NTNG1: variants seen among roughly 807,000 people sequenced by gnomAD.
The protein encoded by NTNG1 is netrin G1.
Under a neutral mutation model 54.0 loss-of-function variants are expected in NTNG1, and 16 were observed. The observed-to-expected ratio is 0.30, with a 90% confidence interval of 0.20 to 0.45. The LOEUF (loss-of-function observed/expected upper bound fraction) is 0.45, where lower values mean the gene tolerates loss of function less well. NTNG1 is among the 20% of genes least tolerant of loss of function. The pLI is 1.00. For missense variants in NTNG1, 530 were observed against 678.7 expected, an observed-to-expected ratio of 0.78 and a Z score of 2.43; for synonymous variants, 255 against 263.1, an observed-to-expected ratio of 0.97 and a Z score of 0.30.
At chr1:107,460,568 GA>G (rs1235061511) in intron 7 of NTNG1, among the ~76,000 whole-genome samples, 1 of 152,156 alleles carries the variant, frequency 6.6e-6, no homozygotes, top group Non-Finnish European at 1.5e-5. Flanking sequence ...CACTGCTGGG[GA>G]AAAAGGCAGC....
In NTNG1 at chr1:107,324,806, T is replaced by C. The variant is rs1667853522; in HGVS notation, c.771T>C (p.Phe257=). 1 of 1,613,542 alleles carries C rather than the reference T, an allele frequency of 6.2e-7. No individual in the cohort carries two copies. Among genetic ancestry groups the C allele is most frequent in the Non-Finnish European group, 8.5e-7 (1 of 1,179,776 alleles). The part of the protein sequence containing the change: ...LDTTKKLRDF[F]TVTDLRIRLL... The stretch of plus-strand genomic sequence containing the variant: ...CAACCAAGAAACTCAGAGATTTCTT[T>C]ACAGTCACAGACCTGAGGATAAGGC... Residue 257 remains phenylalanine (F), a synonymous_variant, in exon 3 of 8, where the codon TTT becomes TTC. Transcript: ENST00000370068.
chr1:107,347,319 G>A (rs1669307491), intron 3 of NTNG1, among the ~76,000 whole-genome samples: 1 of 152,064 alleles, frequency 6.6e-6, no homozygotes, highest in Non-Finnish European at 1.5e-5. Context: ...TTCAAGATCA[G>A]ATAGGCAATA....
intron 7 of NTNG1, among the ~76,000 whole-genome samples, chr1:107,459,155 T>C (rs1677126360): frequency 1.3e-5 from 2 of 152,326 alleles, no homozygotes; most frequent in Admixed American, 6.5e-5. Context: ...GTTAAATTAG[T>C]TCATTGCTTT....
chr1:107,395,420 C>A, intron 4 of NTNG1, 94 bp downstream of exon 4: 1 of 1,142,784 alleles, frequency 8.8e-7, no homozygotes, highest in Non-Finnish European at 1.3e-6. Flanking sequence ...ATTCCTCTTA[C>A]CAGTTGTCTC....
chr1:107,351,384 G>A (rs1490217400), intron 3 of NTNG1, among the ~76,000 whole-genome samples: 1 of 152,226 alleles, frequency 6.6e-6, no homozygotes, highest in Admixed American at 6.5e-5. Flanking sequence ...AAGCATGGCA[G>A]CAGCTGCTTC....
chr1:107,464,413 C>T (rs1677470773), intron 7 of NTNG1, among the ~76,000 whole-genome samples: 2 of 152,178 alleles, frequency 1.3e-5, no homozygotes, highest in Admixed American at 1.3e-4. Context: ...CTAGTTGGGG[C>T]CCCAGGTGTA....
chr1:107,257,580 T>G (rs1663011151), intron 2 of NTNG1, among the ~76,000 whole-genome samples: 1 of 152,192 alleles, frequency 6.6e-6, no homozygotes, highest in East Asian at 1.9e-4. Context: ...GCGGCTCCAG[T>G]CACCTGATTT....
At position 107,403,124 on chromosome 1, in the gene NTNG1, A is replaced by C. The variant is rs373595417; in HGVS notation, c.1061-4558A>C. Among the ~76,000 whole-genome samples, 4 of 152,306 alleles carry C rather than the reference A, an allele frequency of 2.6e-5. 1 individual carries two copies. The highest frequency in any genetic ancestry group is 9.6e-5 in the African/African-American group (4 of 41,576). Reference sequence around the variant, plus strand: ...TGGGGGAGTAGTAAACTTATTTAAAAAGAAGAAAACATCACATTATTATAT... The same window carrying C: ...TGGGGGAGTAGTAAACTTATTTAAACAGAAGAAAACATCACATTATTATAT... On this transcript the variant is annotated intron_variant, in intron 4 of 7. Coordinates refer to ENST00000370068, the MANE Select transcript of NTNG1 (RefSeq NM_001113226.3).
intron 3 of NTNG1, among the ~76,000 whole-genome samples, chr1:107,359,558 G>A (rs1670139554): frequency 6.6e-6 from 1 of 152,120 alleles, no homozygotes; most frequent in Non-Finnish European, 1.5e-5. Context: ...TTGATTGAGA[G>A]TAGGCATCAG....
Position 107,324,900 on chromosome 1 carries a change from T to G in NTNG1, c.865T>G (p.Ser289Ala). 1 of 1,612,150 alleles carries G rather than the reference T, an allele frequency of 6.2e-7. No individual in the cohort carries two copies. The highest frequency in any genetic ancestry group is 1.7e-5 in the Admixed American group (1 of 59,874). Reference sequence around the variant, plus strand: ...CTTGGCACGCTACTTTTACGCGATCTCAGACATAAAGGTGCGAGGAAGGTA... The same window carrying G: ...CTTGGCACGCTACTTTTACGCGATCGCAGACATAAAGGTGCGAGGAAGGTA... ...LHLARYFYAI[S>A]DIKVRGRCKC... Residue 289 changes from serine (S) to alanine (A), a missense_variant, in exon 3 of 8, where the codon TCA becomes GCA. Ser to Ala is a moderately conservative substitution (Grantham distance 99). Transcript: ENST00000370068.
chr1:107,154,991 G>A (rs1654877579), intron 2 of NTNG1, among the ~76,000 whole-genome samples: 1 of 152,148 alleles, frequency 6.6e-6, no homozygotes, highest in Non-Finnish European at 1.5e-5. Context: ...GAATACTGAA[G>A]TTACCTCCTT....
chr1:107,362,059 C>T (rs987134069), intron 3 of NTNG1, among the ~76,000 whole-genome samples: 8 of 152,070 alleles, frequency 5.3e-5, no homozygotes, highest in East Asian at 3.9e-4. Context: ...AGCACTCCCT[C>T]GTCTCATGCT....
At chr1:107,468,244 A>T (rs1246306466) in intron 7 of NTNG1, among the ~76,000 whole-genome samples, 1 of 152,116 alleles carries the variant, frequency 6.6e-6, no homozygotes, top group Non-Finnish European at 1.5e-5. Flanking sequence ...CCAAGTATGT[A>T]TAGGAAAAAT....
chr1:107,466,440 G>T (rs930618730), intron 7 of NTNG1, among the ~76,000 whole-genome samples: 3 of 152,192 alleles, frequency 2.0e-5, no homozygotes, highest in Non-Finnish European at 4.4e-5. Flanking sequence ...CAGCAAAGAA[G>T]AAAGCAGTCA....
chr1:107,361,385 A>AT (rs1443924165), intron 3 of NTNG1, among the ~76,000 whole-genome samples: 215 of 72,540 alleles, frequency 3.0e-3, no homozygotes, highest in African/African-American at 8.6e-3. Flanking sequence ...ATATATATAT[A>AT]TATATATTTT....
chr1:107,272,909 T>C (rs1046990407), intron 2 of NTNG1, among the ~76,000 whole-genome samples: 13 of 152,186 alleles, frequency 8.5e-5, no homozygotes, highest in African/African-American at 2.7e-4. Context: ...GAAGCTCTGG[T>C]AAAATTGTCC....
intron 7 of NTNG1, among the ~76,000 whole-genome samples, chr1:107,463,494 T>A (rs1184239924): frequency 2.0e-5 from 3 of 151,844 alleles, no homozygotes; most frequent in Non-Finnish European, 2.9e-5. Flanking sequence ...TATGTAATGC[T>A]AGAAAAAAAT....
rs867839289 is a variant in NTNG1 at position 107,185,980 on chromosome 1, G to A, written c.246+37141G>A. ...TTAGTGCAACCAGCACCCAAATATT[G>A]TACATTGTACCCACTAGGTAATTTT... On this transcript the variant is annotated intron_variant, in intron 2 of 7. Transcript: ENST00000370068. Among the ~76,000 whole-genome samples, 137 of 152,144 alleles carry A rather than the reference G, an allele frequency of 9.0e-4. 1 individual carries two copies. Among genetic ancestry groups the A allele is most frequent in the Admixed American group, 3.0e-3 (46 of 15,260 alleles).
At chr1:107,268,561 C>G (rs758758051) in intron 2 of NTNG1, among the ~76,000 whole-genome samples, 17 of 150,900 alleles carry the variant, frequency 1.1e-4, no homozygotes, top group South Asian at 4.2e-4. Context: ...TGTGTTTCCT[C>G]TTCTCTATCT....
Sources: allele counts gnomAD v4.1 joint callset (sites outside exome capture counted in the v4.1 genomes callset), GRCh38; gene constraint gnomAD v4.1.1; transcripts MANE v1.5; gene names NCBI Gene and HGNC (gene_info 2026-07-23, HGNC 2026-07-21).